The following CBY1 variants were observed in gnomAD, a reference collection of about 807,000 sequenced individuals.
CBY1 encodes the protein chibby 1, beta catenin antagonist.
Under a neutral mutation model 15.6 loss-of-function variants are expected in CBY1, and 10 were observed. The observed-to-expected ratio is 0.64, with a 90% CI of 0.40 to 1.09. The LOEUF (loss-of-function observed/expected upper bound fraction) is 1.09, where lower values mean the gene tolerates loss of function less well. Among genes scored for constraint, CBY1 ranks in the 50% least tolerant of loss-of-function variants. The pLI is 0.01. For missense variants in CBY1, 150 were observed against 160.5 expected, an observed-to-expected ratio of 0.93 and a Z score of 0.35; for synonymous variants, 61 against 63.5, an observed-to-expected ratio of 0.96 and a Z score of 0.19.
chr22:38,662,791 C>T (rs1363703763), intron 1 of CBY1, among the ~76,000 whole-genome samples: 1 of 151,886 alleles, frequency 6.6e-6, no homozygotes, highest in Non-Finnish European at 1.5e-5. Context: ...GGCACCATAC[C>T]CAGCCTGGGG....
chr22:38,664,021 C>CA lies in CBY1; in HGVS notation c.-38-3984dup, dbSNP rs908356522. 2.5e-3 allele frequency among the ~76,000 whole-genome samples: 275 copies of CA among 111,062 alleles called. 1 individual carries two copies. Among genetic ancestry groups the CA allele is most frequent in the African/African-American group, 6.3e-3 (185 of 29,538 alleles). 72.9% of individuals were successfully genotyped at this position (111,062 alleles called of 152,430 possible). ...TGGGTGACAGAGCGAGACTGTGTTT[C>CA]AAAAAAAAAAAAGAAGGAGAAAGCA... is the stretch of plus-strand genomic sequence containing the variant. On this transcript the variant is annotated intron_variant, in intron 1 of 4. Coordinates refer to ENST00000216029, the MANE Select transcript of CBY1 (RefSeq NM_015373.4).
In CBY1 at chr22:38,668,074, C is replaced by T. The variant is rs757086657; in HGVS notation, c.20C>T (p.Thr7Met). 1.9e-5 allele frequency: 30 copies of T among 1,613,762 alleles called. No individual in the cohort carries two copies. Among genetic ancestry groups the T allele is most frequent in the South Asian group, 1.2e-4 (11 of 91,086 alleles). The change falls in exon 2 of 5, where the codon ACG (threonine) becomes ATG (methionine). Residue 7 changes from threonine to methionine, a missense_variant. Thr to Met is a moderately conservative substitution (Grantham distance 81, BLOSUM62 -1). Transcript: ENST00000216029. ...CCAAAGATGCCTTTCTTTGGGAATA[C>T]GTTCAGTCCGAAGAAGACACCTCCT... MPFFGN[T>M]FSPKKTPPRK... is the part of the protein sequence containing the mutation.
At chr22:38,667,049 G>C (rs2092438698) in intron 1 of CBY1, among the ~76,000 whole-genome samples, 1 of 139,110 alleles carries the variant, frequency 7.2e-6, no homozygotes. Context: ...AATGCTCTTT[G>C]ACTCAGGCTG....
At chr22:38,660,504 T>A (rs2092419061) in intron 1 of CBY1, among the ~76,000 whole-genome samples, 1 of 152,042 alleles carries the variant, frequency 6.6e-6, no homozygotes, top group Non-Finnish European at 1.5e-5. Context: ...CGAAAATGCA[T>A]CTTTTAATGA....
chr22:38,668,434 G>A (rs2092443357), intron 2 of CBY1: 4 of 213,354 alleles, frequency 1.9e-5, no homozygotes, highest in Admixed American at 1.7e-4. Flanking sequence ...GCAGTGGCGC[G>A]ATCTTGACTC....
At chr22:38,666,133 T>C (rs1178780975) in intron 1 of CBY1, among the ~76,000 whole-genome samples, 1 of 149,110 alleles carries the variant, frequency 6.7e-6, no homozygotes, top group Non-Finnish European at 1.5e-5. Flanking sequence ...CCACCACGCC[T>C]GGCCCTGGAG....
At chr22:38,669,687 C>G (rs2145786541) in intron 2 of CBY1, 1 of 152,344 alleles carries the variant, frequency 6.6e-6, no homozygotes, top group East Asian at 1.9e-4. Context: ...TGAGCACTTA[C>G]CTGAAGGTCT....
rs1207709559 is a variant in CBY1, at chr22:38,667,167, T to C, written c.-38-850T>C. Among the ~76,000 whole-genome samples the C allele has an allele frequency of 2.0e-5, 3 of 151,492 alleles. No homozygotes were observed. The East Asian group carries it at 5.8e-4, about 29-fold the overall frequency. ...CTGAGACTACAGGCACGCACCACCA[T>C]ACCTGGCTAATTTTTGTATTTTTTG... On this transcript the variant is annotated intron_variant, in intron 1 of 4. Transcript: ENST00000216029.
intron 2 of CBY1, chr22:38,668,738 G>C (rs2092444244): frequency 6.5e-6 from 1 of 152,836 alleles, no homozygotes; most frequent in Non-Finnish European, 1.5e-5. Flanking sequence ...ATGCAGACTG[G>C]CCATGTCTTC....
At chr22:38,662,081 C>T (rs1241627922) in intron 1 of CBY1, among the ~76,000 whole-genome samples, 2 of 152,054 alleles carry the variant, frequency 1.3e-5, no homozygotes, top group South Asian at 2.1e-4. Context: ...TTGGGCCAGT[C>T]GCTTGAGCTC....
chr22:38,664,685 T>A (rs1350225269), intron 1 of CBY1, among the ~76,000 whole-genome samples: 2 of 151,968 alleles, frequency 1.3e-5, no homozygotes, highest in African/African-American at 2.4e-5. Context: ...CAGATAGGAG[T>A]CTAAATTGGT....
chr22:38,671,376 G>A (rs1187541485), intron 4 of CBY1, 188 bp downstream of exon 4: 8 of 583,754 alleles, frequency 1.4e-5, no homozygotes, highest in South Asian at 3.9e-5. Context: ...TGGACCGACC[G>A]TAAGCATAAT....
At chr22:38,667,262 C>T (rs1193153091) in intron 1 of CBY1, among the ~76,000 whole-genome samples, 1 of 152,128 alleles carries the variant, frequency 6.6e-6, no homozygotes, top group African/African-American at 2.4e-5. Context: ...CTGCCTACCT[C>T]AGCCTCCTGA....
At chr22:38,660,642 A>ACG (rs2092419674) in intron 1 of CBY1, among the ~76,000 whole-genome samples, 4 of 152,114 alleles carry the variant, frequency 2.6e-5, no homozygotes, top group South Asian at 2.1e-4. Flanking sequence ...ACACACACAC[A>ACG]CACGCAGACG....
At chr22:38,666,237 T>A (rs948656035) in intron 1 of CBY1, among the ~76,000 whole-genome samples, 108 of 142,834 alleles carry the variant, frequency 7.6e-4, no homozygotes, top group African/African-American at 2.4e-3. Context: ...ATATATATTT[T>A]TTTTTCTTTT....
rs1169696301 is a variant in CBY1 at position 38,670,678 on chromosome 22, C to T, written c.79-206C>T. ...TATATATAGCTTTTCTGGAAAACAT[C>T]TAATGTATAAAACAGTATATTTTTT... On this transcript the variant is annotated intron_variant, in intron 2 of 4. Coordinates refer to ENST00000216029, the MANE Select transcript of CBY1 (RefSeq NM_015373.4). 3.8e-5 allele frequency: 20 copies of T among 524,860 alleles called. No homozygotes were observed. In the East Asian group the frequency reaches 6.4e-4, roughly 17 times the overall value. The allele number at this position is 524,860 out of a possible 1,614,324, so 32.5% of individuals were successfully genotyped here. A position where few individuals can be genotyped will look rare whatever the true frequency, so the allele number is the denominator to read the frequency against.
At chr22:38,669,064 C>T (rs966419112) in intron 2 of CBY1, among the ~76,000 whole-genome samples, 5 of 152,232 alleles carry the variant, frequency 3.3e-5, no homozygotes, top group African/African-American at 1.2e-4. Flanking sequence ...TACATGACGT[C>T]TGTCTCTGAC....
intron 1 of CBY1, among the ~76,000 whole-genome samples, chr22:38,663,422 G>A (rs922627892): frequency 5.7e-4 from 86 of 151,512 alleles, no homozygotes; most frequent in African/African-American, 1.9e-3. Context: ...GAGGCCGGAC[G>A]CGGTGGCCCA....
intron 1 of CBY1, chr22:38,657,066 G>T (rs895281904): frequency 1.0e-6 from 1 of 957,780 alleles, no homozygotes; most frequent in East Asian, 1.2e-4. Context: ...GGCTACCTCT[G>T]AACTCCTTGG....
Sources: gnomAD v4.1 joint callset for allele counts (sites outside exome capture counted in the v4.1 genomes callset) on GRCh38, gnomAD v4.1.1 for gene constraint, MANE v1.5 for transcripts, NCBI Gene and HGNC (gene_info 2026-07-23, HGNC 2026-07-21) for gene names.